The following DUSP11 variants were observed in gnomAD, a reference collection of about 807,000 sequenced individuals.
The protein encoded by DUSP11 is RNA/RNP complex-1-interacting phosphatase.
A neutral mutation model predicts 41.4 loss-of-function variants in DUSP11; 27 were observed. The ratio of observed to expected loss-of-function variants is 0.65; its 90% CI spans 0.48 to 0.90. The LOEUF is 0.90. Among genes scored for constraint, DUSP11 ranks in the 40% least tolerant of loss-of-function variants. The probability of loss-of-function intolerance (pLI) is 0.00; values close to 1 mark genes in which losing one functional copy is unlikely to be tolerated. For missense variants in DUSP11, 465 were observed against 461.1 expected, an observed-to-expected ratio of 1.01 and a Z score of -0.08; for synonymous variants, 188 against 159.3, an observed-to-expected ratio of 1.18 and a Z score of -1.35.
At chr2:73,769,228 AAT>A (rs763807105) in intron 5 of DUSP11, 35 bp downstream of exon 5, 1 of 1,570,414 alleles carries the variant, frequency 6.4e-7, no homozygotes, top group South Asian at 1.1e-5. Flanking sequence ...AGACAAAAAC[AAT>A]TTAAAATGGT....
chr2:73,774,125 C>T (rs999675168), intron 3 of DUSP11, among the ~76,000 whole-genome samples: 14 of 152,192 alleles, frequency 9.2e-5, no homozygotes, highest in Non-Finnish European at 1.9e-4. Context: ...AATAAAACTA[C>T]ATAATAGATA....
chr2:73,780,078 C>T, exon 1 of DUSP11: 1 of 1,586,986 alleles, frequency 6.3e-7, no homozygotes, highest in Non-Finnish European at 8.6e-7. Flanking sequence ...GACTCGGCAG[C>T]CACCTACGCC....
exon 1 of DUSP11, chr2:73,779,955 G>A (rs755463140): frequency 6.2e-7 from 1 of 1,614,144 alleles, no homozygotes; most frequent in Non-Finnish European, 8.5e-7. Flanking sequence ...GCCACTGCGG[G>A]GATGATGCCA....
At chr2:73,766,092 AG>A (rs1343673334) in intron 8 of DUSP11, among the ~76,000 whole-genome samples, 1 of 152,080 alleles carries the variant, frequency 6.6e-6, no homozygotes, top group Non-Finnish European at 1.5e-5. Context: ...GGTAGATCAC[AG>A]GGTCAGGAGA....
At chr2:73,780,061 A>G (rs1240071336) in exon 1 of DUSP11, 2 of 1,608,714 alleles carry the variant, frequency 1.2e-6, no homozygotes, top group South Asian at 1.1e-5. Flanking sequence ...GACCCTAAAC[A>G]GGAAAAGACT....
At chr2:73,773,607 T>C (rs1672625884) in intron 4 of DUSP11, 193 bp downstream of exon 4, 2 of 524,696 alleles carry the variant, frequency 3.8e-6, no homozygotes, top group Non-Finnish European at 6.6e-6. Flanking sequence ...AAAACTAATT[T>C]AACATTCCAA....
intron 8 of DUSP11, among the ~76,000 whole-genome samples, chr2:73,764,465 C>T (rs1013793874): frequency 6.6e-6 from 1 of 152,140 alleles, no homozygotes; most frequent in Non-Finnish European, 1.5e-5. Flanking sequence ...GTGTTTACAA[C>T]GTGCTAAACT....
chr2:73,769,295 C>A, exon 5 of DUSP11: 1 of 1,613,614 alleles, frequency 6.2e-7, no homozygotes, highest in Non-Finnish European at 8.5e-7. Flanking sequence ...CCTGTTTAAA[C>A]CATGGGTACA....
chr2:73,780,103 C>A lies in DUSP11; in HGVS notation c.13G>T (p.Glu5Ter). The A allele has an allele frequency of 6.4e-7, 1 of 1,560,832 alleles. No individual in the cohort carries two copies. The highest frequency in any genetic ancestry group is 8.7e-7 in the Non-Finnish European group (1 of 1,151,554). Residue 5 changes from glutamate (E) to a stop codon, truncating the protein, a stop_gained, in exon 1 of 9, where the codon GAG becomes TAG. Transcript: ENST00000272444. LOFTEE classifies it high-confidence loss of function. ...CCACCTACGCCGCGCTCCAGCGTCT[C>A]GCTATTGCGCATGTGCCACCGCCGG...
exon 4 of DUSP11, chr2:73,773,825 C>T: frequency 6.2e-7 from 1 of 1,608,210 alleles, no homozygotes; most frequent in Non-Finnish European, 8.5e-7. Context: ...CTTTCAAAAA[C>T]CCATTAACAG....
At chr2:73,762,994 C>A (rs1320052577) in intron 8 of DUSP11, 135 bp from the exon 9 acceptor site, 2 of 311,264 alleles carry the variant, frequency 6.4e-6, no homozygotes, top group Non-Finnish European at 1.1e-5. Flanking sequence ...CTGTTTCCTA[C>A]CTGTGTGACC....
intron 4 of DUSP11, among the ~76,000 whole-genome samples, chr2:73,770,914 GC>G (rs1321174830): frequency 6.6e-6 from 1 of 152,054 alleles, no homozygotes; most frequent in Non-Finnish European, 1.5e-5. Context: ...CCTCAAACAT[GC>G]CTAGCATAGT....
chr2:73,766,438 T>C (rs774461538), exon 8 of DUSP11: 30 of 1,611,442 alleles, frequency 1.9e-5, no homozygotes, highest in Non-Finnish European at 2.5e-5. Flanking sequence ...GTTGCAAACT[T>C]TGGGTCTGGG....
chr2:73,773,868 G>A, exon 4 of DUSP11: 1 of 1,603,482 alleles, frequency 6.2e-7, no homozygotes, highest in South Asian at 1.1e-5. Context: ...CTCATCATCA[G>A]GCACTTGATG....
intron 4 of DUSP11, among the ~76,000 whole-genome samples, chr2:73,770,379 G>A (rs915097898): frequency 2.0e-5 from 3 of 151,878 alleles, no homozygotes; most frequent in Non-Finnish European, 4.4e-5. Context: ...GCCAGGTGTG[G>A]TGGTGGGTGC....
intron 4 of DUSP11, among the ~76,000 whole-genome samples, chr2:73,772,228 A>C (rs1405836071): frequency 6.6e-6 from 1 of 152,226 alleles, no homozygotes; most frequent in African/African-American, 2.4e-5. Flanking sequence ...TCATGCTCTA[A>C]CAACAAATCT....
At chr2:73,763,143 G>A (rs1049523631) in intron 8 of DUSP11, among the ~76,000 whole-genome samples, 3 of 152,108 alleles carry the variant, frequency 2.0e-5, no homozygotes, top group Non-Finnish European at 2.9e-5. Context: ...CTGGCACACC[G>A]TGGATTCCCA....
At chr2:73,779,978 G>C (rs749300268) in exon 1 of DUSP11, 1 of 1,614,250 alleles carries the variant, frequency 6.2e-7, no homozygotes, top group South Asian at 1.1e-5. Context: ...GGCTCATGTG[G>C]GTCCCAAGAA....
At chr2:73,773,440 C>T in intron 4 of DUSP11, 1 of 363,498 alleles carries the variant, frequency 2.8e-6, no homozygotes. Flanking sequence ...CCTTTCTTGT[C>T]TCTTTCACAT....
Sources: gnomAD v4.1 joint callset for allele counts (sites outside exome capture counted in the v4.1 genomes callset) on GRCh38, gnomAD v4.1.1 for gene constraint, MANE v1.5 for transcripts, NCBI Gene and HGNC (gene_info 2026-07-23, HGNC 2026-07-21) for gene names.